Variants in EML3 observed in about 807,000 individuals in gnomAD.
EML3 encodes echinoderm microtubule-associated protein-like 3.
EML3 carries 53 observed loss-of-function variants against 106.7 expected under a neutral mutation model. The ratio of observed to expected loss-of-function variants is 0.50; its 90% CI spans 0.40 to 0.62. EML3 has a LOEUF of 0.62. EML3 is among the 20% of genes least tolerant of loss of function. The pLI is 0.00. For synonymous variants in EML3, 499 were observed against 489.6 expected (o/e 1.02, Z -0.25); for missense variants, 994 against 1,209.1 (o/e 0.82, Z 2.64).
In EML3 at chr11:62,603,784, C is replaced by A; in HGVS notation, c.2202G>T (p.Trp734Cys). 1 of 1,614,084 alleles carries A rather than the reference C, an allele frequency of 6.2e-7. No individual in the cohort carries two copies. The highest frequency in any genetic ancestry group is 8.5e-7 in the Non-Finnish European group (1 of 1,180,022). The change falls in exon 19 of 22, where the codon TGG becomes TGT. Residue 734 changes from tryptophan (W) to cysteine (C), a missense_variant. Trp to Cys is a radical substitution (Grantham distance 215). Around this residue, in one of 3 missense-constraint regions of EML3, gnomAD observed 713 missense variants for 920.5 expected, o/e 0.77. Transcript: ENST00000394773. ...ACATGATGAAATTCCCATCCTTGGA[C>A]CAGTCAAGATGAGTGATGAAGCTGG... is the stretch of plus-strand genomic sequence containing the variant. ...GHSSFITHLD[W>C]SKDGNFIMSN... is the part of the protein sequence containing the mutation.
rs1346838918 is a variant in EML3, at chr11:62,605,977, G to T, written c.1660C>A (p.Pro554Thr). 1.9e-6 allele frequency: 3 copies of T among 1,614,046 alleles called. No individual in the cohort carries two copies. The Admixed American group carries it at 5.0e-5, about 27-fold the overall frequency. Reference protein sequence around the residue: ...GLVALQEAEIPEHFGAVRAIA... With the variant: ...GLVALQEAEITEHFGAVRAIA... ...GCTCGCACGGCCCCGAAGTGCTCGG[G>T]AATCTGCAGAGTGGTAGCAGAATGT... Residue 554 changes from proline (P) to threonine (T), a missense_variant, in exon 14 of 22, where the codon CCC (proline) becomes ACC (threonine). By Grantham distance (38) the Pro-to-Thr change is conservative. Transcript: ENST00000394773. The surrounding 1 kb of genome is among the most constrained non-coding windows in gnomAD (Gnocchi z 5.2).
chr11:62,607,137 G>A lies in EML3; in HGVS notation c.1363-38C>T, dbSNP rs1565059240. On this transcript the variant is annotated intron_variant, in intron 11 of 21. Coordinates refer to ENST00000394773, the MANE Select transcript of EML3 (RefSeq NM_153265.3). ...GAGAGCAGACAGTAGAGGTCAAAGG[G>A]AAGGGCAAAGATTAAAAGTCGCAGG... is the stretch of plus-strand genomic sequence containing the variant. 3.7e-6 allele frequency: 6 copies of A among 1,607,312 alleles called. No individual in the cohort carries two copies. In the South Asian group the frequency reaches 5.5e-5, roughly 15 times the overall value.
Position 62,612,587 on chromosome 11 carries a change from G to C in EML3, c.-130C>G. The C allele has an allele frequency of 1.1e-6, 1 of 887,982 alleles. No individual in the cohort carries two copies. Among genetic ancestry groups the C allele is most frequent in the East Asian group, 3.5e-5 (1 of 28,578 alleles). 55.0% of individuals were successfully genotyped at this position (887,982 alleles called of 1,614,324 possible). ...AGGGCGCCGTACCACCACCCCGAGG[G>C]GGCGCTGTCGGGCGCGGGGAAGGGG... On this transcript the variant is annotated 5_prime_UTR_variant, in exon 1 of 22. Coordinates refer to ENST00000394773, the MANE Select transcript of EML3 (RefSeq NM_153265.3).
At chr11:62,603,656 C>T in intron 19 of EML3, 73 bp downstream of exon 19, 10 of 1,296,902 alleles carry the variant, frequency 7.7e-6, no homozygotes, top group Non-Finnish European at 1.1e-5. Context: ...TCTAACAACA[C>T]CTCTAACAGC....
chr11:62,605,280 G>A lies in EML3; in HGVS notation c.1915-100C>T. 1 of 1,210,782 alleles carries A rather than the reference G, an allele frequency of 8.3e-7. No homozygotes were observed. Among genetic ancestry groups the A allele is most frequent in the African/African-American group, 1.5e-5 (1 of 65,958 alleles). 75.0% of individuals were successfully genotyped at this position (1,210,782 alleles called of 1,614,324 possible). The stretch of plus-strand genomic sequence containing the variant: ...TAACTTCAAAGCCACTTACTCCCAA[G>A]GAGAAGATGGGAAGAGAGGGAAGGG... On this transcript the variant is annotated intron_variant, in intron 15 of 21. Transcript: ENST00000394773. This position sits in a 1 kb window ranked among gnomAD's most constrained non-coding sequence, Gnocchi z 5.2.
Position 62,602,456 on chromosome 11 carries a change from C to G in EML3, c.*19G>C. ...GGCGGGGCCACGCCGCCGGGCCAGT[C>G]GGTCCCGCCAGGCAGCGATCAAACG... is the stretch of plus-strand genomic sequence containing the variant. On this transcript the variant is annotated 3_prime_UTR_variant, in exon 22 of 22. Coordinates refer to ENST00000394773, the MANE Select transcript of EML3 (RefSeq NM_153265.3). 2 of 1,543,816 alleles carry G rather than the reference C, an allele frequency of 1.3e-6. No homozygotes were observed. The highest frequency in any genetic ancestry group is 1.8e-6 in the Non-Finnish European group (2 of 1,142,296).
Position 62,612,191 on chromosome 11 carries a change from G to A in EML3, c.22+245C>T. The A allele has an allele frequency of 5.8e-6, 3 of 516,850 alleles. 1 individual carries two copies. The South Asian group carries it at 7.5e-5, about 13-fold the overall frequency. The allele number at this position is 516,850 out of a possible 1,614,324, so 32.0% of individuals were successfully genotyped here. A position where few individuals can be genotyped will look rare whatever the true frequency, so the allele number is the denominator to read the frequency against. ...ACGAGAAGAGGCCCGGAGTAACGCA[G>A]GGGGCAGGGAAACATCGAGGGGCCC... On this transcript the variant is annotated intron_variant, in intron 1 of 21. Coordinates refer to ENST00000394773, the MANE Select transcript of EML3 (RefSeq NM_153265.3).
intron 4 of EML3, 61 bp from the exon 5 acceptor site, chr11:62,609,757 G>A: frequency 6.9e-7 from 1 of 1,447,364 alleles, no homozygotes. Flanking sequence ...AGCGGGGAGG[G>A]GCAGGACACA....
Position 62,608,984 on chromosome 11 carries a change from C to A in EML3, c.907G>T (p.Gly303Trp). 1 of 1,613,940 alleles carries A rather than the reference C, an allele frequency of 6.2e-7. No homozygotes were observed. The highest frequency in any genetic ancestry group is 8.5e-7 in the Non-Finnish European group (1 of 1,179,992). Residue 303 changes from glycine (G) to tryptophan (W), a missense_variant, in exon 7 of 22, where the codon GGG becomes TGG. Gly to Trp is a radical substitution (Grantham distance 184, BLOSUM62 -2). Around this residue, in one of 3 missense-constraint regions of EML3, gnomAD observed 713 missense variants for 920.5 expected, o/e 0.77. Coordinates refer to ENST00000394773, the MANE Select transcript of EML3 (RefSeq NM_153265.3). ...CACCATCGAACGCAGTCTGTGTGCC[C>A]CCGGTAATGTCTCTGGCCGCCACCT... ...PGGGGQRHYR[G>W]HTDCVRCLAV...
chr11:62,608,740 C>T lies in EML3; in HGVS notation c.995G>A (p.Gly332Glu). ...GCTCCCTGACTTTGGCCTTACCTTT[C>T]CATCCTTATCCACTCCAGCTGTCTG... The part of the protein sequence containing the change: ...SGQTAGVDKD[G>E]KPLQPVVHIW... Residue 332 changes from glycine (G) to glutamate (E), a missense_variant, in exon 8 of 22, where the codon GGA becomes GAA. Gly to Glu is a moderately conservative substitution (Grantham distance 98, BLOSUM62 -2). Transcript: ENST00000394773. 2.5e-6 allele frequency: 4 copies of T among 1,607,308 alleles called. No homozygotes were observed. The highest frequency in any genetic ancestry group is 1.7e-5 in the Admixed American group (1 of 59,774).
At chr11:62,603,054 A>C (rs1942321412) in intron 20 of EML3, 95 bp downstream of exon 20, 1 of 1,554,122 alleles carries the variant, frequency 6.4e-7, no homozygotes, top group Non-Finnish European at 8.8e-7. Context: ...AGGTTTCTGG[A>C]CTCTCACCCA....
rs1268673527 is a variant in EML3 at position 62,604,101 on chromosome 11, G to A, written c.2071+12C>T. On this transcript the variant is annotated intron_variant, in intron 17 of 21. Coordinates refer to ENST00000394773, the MANE Select transcript of EML3 (RefSeq NM_153265.3). ...GGGACGCATGTGAGTCCAGGGTTGG[G>A]GTGGCTCCCACCTGGGCTGTACCGG... 1 of 1,614,044 alleles carries A rather than the reference G, an allele frequency of 6.2e-7. No individual in the cohort carries two copies. The highest frequency in any genetic ancestry group is 1.7e-5 in the Admixed American group (1 of 60,004).
In EML3 at chr11:62,608,954, C is replaced by T. The variant is rs998362398; in HGVS notation, c.929+8G>A. The T allele has an allele frequency of 2.0e-5, 33 of 1,613,074 alleles. No homozygotes were observed. The highest frequency in any genetic ancestry group is 2.7e-5 in the Non-Finnish European group (32 of 1,179,474). Reference sequence around the variant, plus strand: ...TCCTGCCAAGCCCACCAGCCCCGGACTCCTCACCATCGAACGCAGTCTGTG... The same window carrying T: ...TCCTGCCAAGCCCACCAGCCCCGGATTCCTCACCATCGAACGCAGTCTGTG... On this transcript the variant is annotated splice_region_variant and intron_variant, in intron 7 of 21. Transcript: ENST00000394773.
Position 62,602,386 on chromosome 11 carries a change from T to G in EML3, c.*89A>C. 7.1e-7 allele frequency: 1 copy of G among 1,405,026 alleles called. No homozygotes were observed. Among genetic ancestry groups the G allele is most frequent in the Non-Finnish European group, 9.5e-7 (1 of 1,057,440 alleles). 87.0% of individuals were successfully genotyped at this position (1,405,026 alleles called of 1,614,324 possible). ...GTCTCGAAGTCAGTCCAGGAAAGAG[T>G]CGGCCCCTAGTCGTGGGGGATTGGG... On this transcript the variant is annotated 3_prime_UTR_variant, in exon 22 of 22. Transcript: ENST00000394773.
chr11:62,605,095 G>A lies in EML3; in HGVS notation c.1982+18C>T, dbSNP rs770058168. 2 of 1,608,476 alleles carry A rather than the reference G, an allele frequency of 1.2e-6. No individual in the cohort carries two copies. Among genetic ancestry groups the A allele is most frequent in the Admixed American group, 3.4e-5 (2 of 59,286 alleles). Reference sequence around the variant, plus strand: ...GTCCTCCCTGCTTTCCCTCCTGGGAGTCCTGGCTCTCTCTCACCTCCCCGT... The same window carrying A: ...GTCCTCCCTGCTTTCCCTCCTGGGAATCCTGGCTCTCTCTCACCTCCCCGT... On this transcript the variant is annotated intron_variant, in intron 16 of 21. Coordinates refer to ENST00000394773, the MANE Select transcript of EML3 (RefSeq NM_153265.3). This position sits in a 1 kb window ranked among gnomAD's most constrained non-coding sequence, Gnocchi z 5.2.
intron 12 of EML3, among the ~76,000 whole-genome samples, chr11:62,606,683 C>T (rs1942536978): frequency 6.6e-6 from 1 of 152,148 alleles, no homozygotes; most frequent in South Asian, 2.1e-4. Context: ...ATGGCAAAAC[C>T]CCATCTCTAC....
At chr11:62,612,212 G>T in intron 1 of EML3, 1 of 524,070 alleles carries the variant, frequency 1.9e-6, no homozygotes, top group Non-Finnish European at 3.3e-6. Context: ...AACATCGAGG[G>T]GCCCGGAGTT....
At chr11:62,607,151 A>C (rs1942566050) in intron 11 of EML3, 52 bp from the exon 12 acceptor site, 2 of 1,600,614 alleles carry the variant, frequency 1.2e-6, no homozygotes, top group African/African-American at 1.3e-5. Context: ...GGCAAAGATT[A>C]AAAGTCGCAG....
chr11:62,604,289 G>T (rs1011426276), intron 16 of EML3, 88 bp from the exon 17 acceptor site: 3 of 1,136,508 alleles, frequency 2.6e-6, no homozygotes, highest in Non-Finnish European at 3.9e-6. Flanking sequence ...GGTAGGCTTG[G>T]GGATGGCAAA....
Sources: allele counts gnomAD v4.1 joint callset (sites outside exome capture counted in the v4.1 genomes callset), GRCh38; gene constraint gnomAD v4.1.1; regional missense constraint gnomAD v4.1.1; non-coding constraint Gnocchi (gnomAD v3.1); transcripts MANE v1.5; gene names NCBI Gene and HGNC (gene_info 2026-07-23, HGNC 2026-07-21).